The following EMSY variants were observed in gnomAD, a reference collection of about 807,000 sequenced individuals.
EMSY encodes EMSY transcriptional repressor, BRCA2 interacting.
In EMSY, 26 loss-of-function variants were observed where a neutral mutation model predicts 134.6. The ratio of observed to expected loss-of-function variants is 0.19; its 90% confidence interval spans 0.14 to 0.27. The LOEUF (loss-of-function observed/expected upper bound fraction) is 0.27, where lower values mean the gene tolerates loss of function less well. Ranked by LOEUF, EMSY falls within the 10% of genes least tolerant of loss-of-function variation. The probability of loss-of-function intolerance (pLI) is 1.00; values close to 1 mark genes in which losing one functional copy is unlikely to be tolerated. For synonymous variants in EMSY, 579 were observed against 577.8 expected (o/e 1.00, Z -0.03); for missense variants, 1,305 against 1,611.4 (o/e 0.81, Z 3.26).
chr11:76,535,831 T>C, intron 14 of EMSY, 64 bp from the exon 16 acceptor site: 1 of 489,928 alleles, frequency 2.0e-6, no homozygotes, highest in South Asian at 6.7e-5. Context: ...AAATTGTTTG[T>C]TTTTTTTTTT....
At position 76,522,724 on chromosome 11, in the gene EMSY, A is replaced by C. The variant is rs183333929; in HGVS notation, c.1685-431A>C. ...ATTTCTTTTCATAAATTTTTTCTAG[A>C]GCCTAGTGTTATGTAAATTTAAGCA... On this transcript the variant is annotated intron_variant, in intron 11 of 20. Transcript: ENST00000334736. 1.9e-3 allele frequency among the ~76,000 whole-genome samples: 290 copies of C among 152,164 alleles called. 2 individuals are homozygous for C. Among genetic ancestry groups the C allele is most frequent in the Admixed American group, 0.017 (263 of 15,292 alleles).
At chr11:76,533,083 C>T (rs1285127921) in intron 14 of EMSY, among the ~76,000 whole-genome samples, 2 of 152,078 alleles carry the variant, frequency 1.3e-5, no homozygotes, top group Non-Finnish European at 2.9e-5. Flanking sequence ...CAATTAAATA[C>T]TGTGAAGTCC....
At position 76,502,538 on chromosome 11, in the gene EMSY, A is replaced by C. The variant is rs568803790; in HGVS notation, c.1363+6069A>C. Among the ~76,000 whole-genome samples the C allele has an allele frequency of 5.2e-3, 779 of 151,164 alleles. 2 individuals are homozygous for C. The highest frequency in any genetic ancestry group is 8.4e-3 in the Non-Finnish European group (570 of 67,768). On this transcript the variant is annotated intron_variant, in intron 9 of 20. Transcript: ENST00000334736. ...ATGATCCTTTATATTATTAAAAAAA[A>C]ACAAAAAACAAAAAAAACCACTAAG... is the stretch of plus-strand genomic sequence containing the variant.
chr11:76,501,064 C>A (rs941421306), intron 9 of EMSY, among the ~76,000 whole-genome samples: 2 of 152,160 alleles, frequency 1.3e-5, no homozygotes, highest in African/African-American at 4.8e-5. Context: ...TCTAGATTAC[C>A]TATAATACCT....
At chr11:76,473,466 C>T (rs748777897) in intron 8 of EMSY, among the ~76,000 whole-genome samples, 2 of 151,770 alleles carry the variant, frequency 1.3e-5, no homozygotes, top group Non-Finnish European at 2.9e-5. Flanking sequence ...ACCACCATAC[C>T]CGGCTATTTT....
intron 9 of EMSY, among the ~76,000 whole-genome samples, chr11:76,505,362 A>ATTT (rs372496170): frequency 0.013 from 1,621 of 126,730 alleles, 41 homozygotes; most frequent in Middle Eastern, 0.022. Flanking sequence ...CGCCCGGCTA[A>ATTT]TTTTTTTTTT....
chr11:76,458,517 T>C (rs553072839), intron 5 of EMSY, 159 bp downstream of exon 6: 30 of 754,168 alleles, frequency 4.0e-5, no homozygotes, highest in Middle Eastern at 8.3e-4. Context: ...ACTGCCAGGT[T>C]TTTAGCCTTA....
intron 8 of EMSY, among the ~76,000 whole-genome samples, chr11:76,485,880 AC>A (rs1590864693): frequency 6.6e-6 from 1 of 152,174 alleles, no homozygotes; most frequent in African/African-American, 2.4e-5. Flanking sequence ...ATACCATTTG[AC>A]CCAGCAATCC....
At chr11:76,502,079 C>G (rs1949885436) in intron 9 of EMSY, among the ~76,000 whole-genome samples, 1 of 146,650 alleles carries the variant, frequency 6.8e-6, no homozygotes, top group Non-Finnish European at 1.5e-5. Flanking sequence ...AACTAAGAAT[C>G]CTATATCCAG....
At chr11:76,474,277 T>G (rs1948694096) in intron 8 of EMSY, among the ~76,000 whole-genome samples, 1 of 152,106 alleles carries the variant, frequency 6.6e-6, no homozygotes, top group African/African-American at 2.4e-5. Context: ...AAGAGAGTGA[T>G]TAGAGGGAAG....
chr11:76,517,617 G>A (rs1950493931), intron 11 of EMSY, among the ~76,000 whole-genome samples: 1 of 152,132 alleles, frequency 6.6e-6, no homozygotes, highest in South Asian at 2.1e-4. Context: ...AATGCATAAT[G>A]TAGCTGCTTT....
In EMSY at chr11:76,532,826, A is replaced by G. The variant is rs559828012; in HGVS notation, c.2195-3069A>G. On this transcript the variant is annotated intron_variant, in intron 14 of 20. Transcript: ENST00000334736. ...AAGTCATAACTCAGTTTCTAGAATG[A>G]TTTCTTTCTGAAGTTTCATGATCTC... Among the ~76,000 whole-genome samples the G allele has an allele frequency of 2.6e-5, 4 of 152,250 alleles. No individual in the cohort carries two copies. The East Asian group carries it at 7.7e-4, about 29-fold the overall frequency.
At chr11:76,445,526 C>T (rs968838695) in intron 1 of EMSY, among the ~76,000 whole-genome samples, 1 of 151,996 alleles carries the variant, frequency 6.6e-6, no homozygotes, top group Admixed American at 6.6e-5. Context: ...GGAGCCTGGG[C>T]TGGCTGCTCT....
intron 10 of EMSY, among the ~76,000 whole-genome samples, chr11:76,515,463 G>T (rs541955980): frequency 1.3e-5 from 2 of 152,168 alleles, no homozygotes; most frequent in African/African-American, 2.4e-5. Flanking sequence ...GTGGGGAAGG[G>T]TATAAAATCT....
intron 18 of EMSY, among the ~76,000 whole-genome samples, chr11:76,543,706 G>A (rs962271154): frequency 2.0e-5 from 3 of 152,148 alleles, no homozygotes; most frequent in South Asian, 2.1e-4. Flanking sequence ...AATGCTAGTC[G>A]AGAGGTGCTT....
chr11:76,544,419 C>G lies in EMSY; in HGVS notation c.2870C>G (p.Pro957Arg), dbSNP rs1459084086. ...GCTAAACAGCAGAAACTTAGCCAGCCCCCGCTGGAACAGACTCAGCTGCAA... is the reference window on the plus strand; with the variant it reads ...GCTAAACAGCAGAAACTTAGCCAGCGCCCGCTGGAACAGACTCAGCTGCAA... The change falls in exon 19 of 21, where the codon CCC becomes CGC. Residue 957 changes from proline to arginine, a missense_variant. Coordinates refer to ENST00000334736, the Ensembl canonical transcript of EMSY. 3 of 1,613,994 alleles carry G rather than the reference C, an allele frequency of 1.9e-6. No homozygotes were observed. The African/African-American group carries it at 4.0e-5, about 22-fold the overall frequency.
intron 8 of EMSY, among the ~76,000 whole-genome samples, chr11:76,482,453 C>T (rs185925568): frequency 4.5e-4 from 69 of 152,174 alleles, no homozygotes; most frequent in Admixed American, 2.0e-3. Flanking sequence ...CAAACCTCCC[C>T]GAGCTAAGGG....
intron 8 of EMSY, among the ~76,000 whole-genome samples, chr11:76,478,757 A>G (rs191744035): frequency 1.3e-5 from 2 of 151,406 alleles, no homozygotes; most frequent in East Asian, 3.9e-4. Context: ...AATTATTTTC[A>G]GAGCTGTTTA....
chr11:76,510,673 G>A (rs1345634411), intron 9 of EMSY, among the ~76,000 whole-genome samples: 3 of 152,212 alleles, frequency 2.0e-5, no homozygotes, highest in Non-Finnish European at 4.4e-5. Context: ...TGGGGGCTGG[G>A]CAGAATAAGA....
Sources: gnomAD v4.1 joint callset for allele counts (sites outside exome capture counted in the v4.1 genomes callset) on GRCh38, gnomAD v4.1.1 for gene constraint, MANE v1.5 for transcripts, NCBI Gene and HGNC (gene_info 2026-07-23, HGNC 2026-07-21) for gene names.